Variants in BCAS3 observed in about 807,000 individuals in gnomAD.
BCAS3 encodes the protein BCAS4/BCAS3 fusion.
A neutral mutation model predicts 116.1 loss-of-function variants in BCAS3; 53 were observed. The observed-to-expected ratio is 0.46, with a 90% CI of 0.37 to 0.57. The LOEUF (loss-of-function observed/expected upper bound fraction) is 0.57. Ranked by LOEUF, BCAS3 falls within the 20% of genes least tolerant of loss-of-function variation. The pLI is 0.00. For synonymous variants in BCAS3, 391 were observed against 408.2 expected (o/e 0.96, Z 0.51); for missense variants, 917 against 1,165.4 (o/e 0.79, Z 3.10).
At chr17:61,064,107 G>A (rs2070357470) in intron 19 of BCAS3, among the ~76,000 whole-genome samples, 1 of 152,152 alleles carries the variant, frequency 6.6e-6, no homozygotes, top group African/African-American at 2.4e-5. Context: ...AGTGCTTTGA[G>A]AGGATGGTTA....
rs1003123733 is a variant in BCAS3, at chr17:60,945,186, T to C, written c.1088-2033T>C. Among the ~76,000 whole-genome samples, 13 of 152,236 alleles carry C rather than the reference T, an allele frequency of 8.5e-5. No homozygotes were observed. In the South Asian group the frequency reaches 2.7e-3, roughly 32 times the overall value. Reference sequence around the variant, plus strand: ...TGATCATTTTAAAAAATATTACCATTTATAATAACTCTAAAAGACAATATT... The same window carrying C: ...TGATCATTTTAAAAAATATTACCATCTATAATAACTCTAAAAGACAATATT... On this transcript the variant is annotated intron_variant, in intron 13 of 23. Transcript: ENST00000407086.
intron 13 of BCAS3, among the ~76,000 whole-genome samples, chr17:60,941,483 A>G (rs1404256908): frequency 6.6e-6 from 1 of 152,220 alleles, no homozygotes; most frequent in Non-Finnish European, 1.5e-5. Context: ...ATTCTAAATG[A>G]AAAGAAAGCA....
chr17:60,747,330 G>C, intron 6 of BCAS3, 51 bp downstream of exon 6: 1 of 1,464,080 alleles, frequency 6.8e-7, no homozygotes, highest in Non-Finnish European at 9.5e-7. Context: ...TTTCTCTTTT[G>C]TTGGTCTTGG....
rs1485334733 is a variant in BCAS3, at chr17:61,346,898, T to G, written c.2426-21429T>G. Among the ~76,000 whole-genome samples, 1 of 152,182 alleles carries G rather than the reference T, an allele frequency of 6.6e-6. No homozygotes were observed. Among genetic ancestry groups the G allele is most frequent in the Non-Finnish European group, 1.5e-5 (1 of 68,030 alleles). ...CAGAGGAGCTTGCACTTGGGCTAAG[T>G]CTCAAATCTGCAGAAGGCAGTTCGT... On this transcript the variant is annotated intron_variant, in intron 22 of 23. Transcript: ENST00000407086. This position sits in a 1 kb window ranked among gnomAD's most constrained non-coding sequence, Gnocchi z 5.4.
chr17:61,003,598 C>G (rs905246956), intron 15 of BCAS3, among the ~76,000 whole-genome samples: 1 of 151,784 alleles, frequency 6.6e-6, no homozygotes, highest in Non-Finnish European at 1.5e-5. Flanking sequence ...CCATCTGGAG[C>G]AGTGATTTTC....
At chr17:60,972,800 G>A (rs984388203) in intron 14 of BCAS3, among the ~76,000 whole-genome samples, 2 of 152,072 alleles carry the variant, frequency 1.3e-5, no homozygotes, top group Admixed American at 6.6e-5. Flanking sequence ...AAATGTTGAA[G>A]TACATGGCTG....
At position 61,017,519 on chromosome 17, in the gene BCAS3, G is replaced by A. The variant is rs1600501319; in HGVS notation, c.1637+1618G>A. Among the ~76,000 whole-genome samples the A allele has an allele frequency of 6.6e-6, 1 of 152,068 alleles. No individual in the cohort carries two copies. The highest frequency in any genetic ancestry group is 1.5e-5 in the Non-Finnish European group (1 of 67,998). On this transcript the variant is annotated intron_variant, in intron 16 of 23. Transcript: ENST00000407086. This position sits in a 1 kb window ranked among gnomAD's most constrained non-coding sequence, Gnocchi z 4.7. ...AGGGAAATTTAAGAAGGTTCAAAAG[G>A]CTCCTGGAGTCATAAAAGCATATTC... is the stretch of plus-strand genomic sequence containing the variant.
In BCAS3 at chr17:61,012,719, A is replaced by C. The variant is rs559472035; in HGVS notation, c.1487-3032A>C. The stretch of plus-strand genomic sequence containing the variant: ...CACAGGAGCAGGCTGAGAAGGATAG[A>C]TCTGAAGTTCTTTGTATGCTATTCT... On this transcript the variant is annotated intron_variant, in intron 15 of 23. Coordinates refer to ENST00000407086, the MANE Select transcript of BCAS3 (RefSeq NM_017679.5). This position sits in a 1 kb window ranked among gnomAD's most constrained non-coding sequence, Gnocchi z 4.5. 6.6e-6 allele frequency among the ~76,000 whole-genome samples: 1 copy of C among 152,184 alleles called. No individual in the cohort carries two copies. The highest frequency in any genetic ancestry group is 1.9e-4 in the East Asian group (1 of 5,182).
chr17:61,089,677 C>T lies in BCAS3; in HGVS notation c.2425+5113C>T, dbSNP rs569140772. On this transcript the variant is annotated intron_variant, in intron 22 of 23. Coordinates refer to ENST00000407086, the MANE Select transcript of BCAS3 (RefSeq NM_017679.5). ...CCCAAGTAGCTGGAATTAACAGGCACGCGCCACCACGCCCGGCTAATTTTT... is the reference window on the plus strand; with the variant it reads ...CCCAAGTAGCTGGAATTAACAGGCATGCGCCACCACGCCCGGCTAATTTTT... Among the ~76,000 whole-genome samples, 28 of 151,500 alleles carry T rather than the reference C, an allele frequency of 1.8e-4. No homozygotes were observed. The South Asian group carries it at 4.8e-3, about 26-fold the overall frequency.
chr17:61,237,037 T>C (rs1408879393), intron 22 of BCAS3, among the ~76,000 whole-genome samples: 5 of 152,188 alleles, frequency 3.3e-5, no homozygotes, highest in African/African-American at 1.2e-4. Flanking sequence ...ATTAAAAAGT[T>C]ATCTTTTTTA....
chr17:61,087,119 A>T lies in BCAS3; in HGVS notation c.2425+2555A>T. ...TCTTCTGTTAAAAAGAATCTAATAA[A>T]TTTTTATAATTGCTCTTGAACCGGG... On this transcript the variant is annotated intron_variant, in intron 22 of 23. Coordinates refer to ENST00000407086, the MANE Select transcript of BCAS3 (RefSeq NM_017679.5). The surrounding 1 kb of genome is among the most constrained non-coding windows in gnomAD (Gnocchi z 4.6). 1.0e-6 allele frequency: 1 copy of T among 984,956 alleles called. No homozygotes were observed. Among genetic ancestry groups the T allele is most frequent in the Non-Finnish European group, 1.2e-6 (1 of 829,488 alleles). 61.0% of individuals were successfully genotyped at this position (984,956 alleles called of 1,614,324 possible). A position where few individuals can be genotyped will look rare whatever the true frequency, so the allele number is the denominator to read the frequency against.
At chr17:61,172,046 C>G (rs1477068563) in intron 22 of BCAS3, among the ~76,000 whole-genome samples, 2 of 152,068 alleles carry the variant, frequency 1.3e-5, no homozygotes, top group East Asian at 3.9e-4. Context: ...GGGGTCAGTT[C>G]GTGAAGAGAA....
chr17:60,950,262 T>G (rs534606973), intron 14 of BCAS3, among the ~76,000 whole-genome samples: 41 of 152,248 alleles, frequency 2.7e-4, no homozygotes, highest in African/African-American at 9.1e-4. Flanking sequence ...AGGGGAGGGT[T>G]GGTTAGATAA....
chr17:60,973,052 A>C (rs1340650682), intron 14 of BCAS3, among the ~76,000 whole-genome samples: 1 of 152,180 alleles, frequency 6.6e-6, no homozygotes, highest in African/African-American at 2.4e-5. Context: ...ACTTTTGGCC[A>C]TAGAAAGAAA....
chr17:61,062,388 T>A (rs2070149229), intron 19 of BCAS3, among the ~76,000 whole-genome samples: 1 of 152,228 alleles, frequency 6.6e-6, no homozygotes, highest in Non-Finnish European at 1.5e-5. Flanking sequence ...CCAGATTATA[T>A]AACCCATGAT....
intron 7 of BCAS3, among the ~76,000 whole-genome samples, chr17:60,861,000 G>A (rs2054111252): frequency 6.6e-6 from 1 of 152,024 alleles, no homozygotes. Context: ...ATGAATTTTA[G>A]AATACTTTTT....
intron 15 of BCAS3, among the ~76,000 whole-genome samples, chr17:61,000,880 T>C (rs1223676793): frequency 2.0e-5 from 3 of 152,182 alleles, no homozygotes; most frequent in Non-Finnish European, 4.4e-5. Context: ...TCAGGAAATA[T>C]GGTTTTATAA....
Position 60,990,261 on chromosome 17 carries a change from T to C in BCAS3, c.1486+26T>C, listed in dbSNP as rs746959400. ...GTAATTTTCTCTGTCTCCACTGTTA[T>C]CTTGAATCTTCCTTCCCTTTGTCCT... On this transcript the variant is annotated intron_variant, in intron 15 of 23. Coordinates refer to ENST00000407086, the MANE Select transcript of BCAS3 (RefSeq NM_017679.5). The surrounding 1 kb of genome is among the most constrained non-coding windows in gnomAD (Gnocchi z 5.1). 3.7e-6 allele frequency: 6 copies of C among 1,604,022 alleles called. No individual in the cohort carries two copies. Among genetic ancestry groups the C allele is most frequent in the Non-Finnish European group, 5.1e-6 (6 of 1,172,708 alleles).
chr17:60,910,837 T>A (rs185798461), intron 12 of BCAS3, 135 bp downstream of exon 12: 2 of 826,036 alleles, frequency 2.4e-6, no homozygotes, highest in Admixed American at 7.3e-5. Flanking sequence ...TCAAATGAGG[T>A]TTTTCTTTAA....
Sources: allele counts gnomAD v4.1 joint callset (sites outside exome capture counted in the v4.1 genomes callset), GRCh38; gene constraint gnomAD v4.1.1; non-coding constraint Gnocchi (gnomAD v3.1); transcripts MANE v1.5; gene names NCBI Gene and HGNC (gene_info 2026-07-23, HGNC 2026-07-21).